FAM163A: variants seen among roughly 807,000 people sequenced by gnomAD.
The protein encoded by FAM163A is protein FAM163A.
Under a neutral mutation model 12.0 loss-of-function variants are expected in FAM163A, and 7 were observed. That is an observed-to-expected ratio of 0.58 (90% CI 0.33 to 1.10). The LOEUF (loss-of-function observed/expected upper bound fraction) is 1.10, where lower values mean the gene tolerates loss of function less well. FAM163A is among the 50% of genes least tolerant of loss of function. The pLI is 0.03. For synonymous variants in FAM163A, 101 were observed against 91.0 expected, an observed-to-expected ratio of 1.11 and a Z score of -0.62; for missense variants, 202 against 218.6, an observed-to-expected ratio of 0.92 and a Z score of 0.48.
At chr1:179,786,008 T>C (rs944049987) in intron 1 of FAM163A, among the ~76,000 whole-genome samples, 1 of 152,198 alleles carries the variant, frequency 6.6e-6, no homozygotes, top group Non-Finnish European at 1.5e-5. Flanking sequence ...GCCCTTGATC[T>C]TTAAGACTGG....
chr1:179,747,214 T>A (rs1252071443), intron 1 of FAM163A, among the ~76,000 whole-genome samples: 4 of 151,756 alleles, frequency 2.6e-5, no homozygotes, highest in African/African-American at 9.7e-5. Context: ...TAGGGCTGTA[T>A]TGCCCCAGAG....
chr1:179,788,536 T>A (rs1231454040), intron 1 of FAM163A, among the ~76,000 whole-genome samples: 1 of 152,210 alleles, frequency 6.6e-6, no homozygotes, highest in African/African-American at 2.4e-5. Context: ...AAACTCAATG[T>A]GAAGTGGAGC....
rs1454842040 is a variant in FAM163A at position 179,814,239 on chromosome 1, G to T, written c.*50G>T. The T allele has an allele frequency of 3.3e-6, 5 of 1,534,552 alleles. No homozygotes were observed. The South Asian group carries it at 3.8e-5, about 12-fold the overall frequency. ...ACACCCACACTGCTGCCCTGGCGGG[G>T]GCCATGGGGGTGATGAATGACCCTC... On this transcript the variant is annotated 3_prime_UTR_variant, in exon 5 of 5. Transcript: ENST00000341785.
rs1007124549 is a variant in FAM163A at position 179,807,856 on chromosome 1, G to A, written c.-77G>A. On this transcript the variant is annotated 5_prime_UTR_variant, in exon 2 of 5. In the 5' UTR this introduces an upstream ATG that the reference lacks. Coordinates refer to ENST00000341785, the MANE Select transcript of FAM163A (RefSeq NM_173509.3). ...TGCTGTCTGCTCAGGTGTAGCCCGCGTGACTGAGTCACCGCTGCTCCAGCT... is the reference window on the plus strand; with the variant it reads ...TGCTGTCTGCTCAGGTGTAGCCCGCATGACTGAGTCACCGCTGCTCCAGCT... The A allele has an allele frequency of 1.4e-4, 21 of 152,438 alleles. No individual in the cohort carries two copies. The highest frequency in any genetic ancestry group is 4.6e-4 in the African/African-American group (19 of 41,586). The allele number at this position is 152,438 out of a possible 1,614,324, so 9.4% of individuals were successfully genotyped here. A position where few individuals can be genotyped will look rare whatever the true frequency, so the allele number is the denominator to read the frequency against.
the FAM163A span, among the ~76,000 whole-genome samples, chr1:179,730,689 G>A: frequency 6.6e-6 from 1 of 152,242 alleles, no homozygotes; most frequent in East Asian, 1.9e-4. Flanking sequence ...AGCTCTTAAA[G>A]CTCTTTTCTT....
chr1:179,784,497 G>A (rs371016686), intron 1 of FAM163A, among the ~76,000 whole-genome samples: 3 of 152,248 alleles, frequency 2.0e-5, no homozygotes, highest in Non-Finnish European at 1.5e-5. Flanking sequence ...CACAGTTAAC[G>A]CAGTGCCTGG....
intron 1 of FAM163A, among the ~76,000 whole-genome samples, chr1:179,754,400 C>G (rs1685716236): frequency 6.6e-6 from 1 of 152,066 alleles, no homozygotes; most frequent in African/African-American, 2.4e-5. Flanking sequence ...GGGACTGAGA[C>G]ACACAGATGA....
chr1:179,784,638 GA>G (rs1035527771), intron 1 of FAM163A, among the ~76,000 whole-genome samples: 4 of 152,148 alleles, frequency 2.6e-5, no homozygotes, highest in Non-Finnish European at 4.4e-5. Flanking sequence ...CTTATCTTGA[GA>G]AAGCACAAAA....
At chr1:179,812,528 G>A (rs777057883) in intron 3 of FAM163A, among the ~76,000 whole-genome samples, 5 of 152,208 alleles carry the variant, frequency 3.3e-5, no homozygotes, top group Admixed American at 6.5e-5. Context: ...CGGGCCAAAG[G>A]CTCAGGGACC....
At chr1:179,756,479 T>C (rs114618245) in intron 1 of FAM163A, among the ~76,000 whole-genome samples, 501 of 152,272 alleles carry the variant, frequency 3.3e-3, no homozygotes, top group Non-Finnish European at 6.0e-3. Context: ...GTGGTGCCAT[T>C]AATTAAACAG....
intron 1 of FAM163A, among the ~76,000 whole-genome samples, chr1:179,797,952 G>A (rs1179554765): frequency 6.6e-6 from 1 of 152,066 alleles, no homozygotes; most frequent in African/African-American, 2.4e-5. Context: ...AGGCATGGCC[G>A]GGCGCAGTGG....
At chr1:179,728,357 T>A in the FAM163A span, among the ~76,000 whole-genome samples, 1 of 151,948 alleles carries the variant, frequency 6.6e-6, no homozygotes, top group South Asian at 2.1e-4. Context: ...AATGGAAGGG[T>A]TTTGTGTTTT....
At chr1:179,731,264 G>T in the FAM163A span, among the ~76,000 whole-genome samples, 5 of 152,160 alleles carry the variant, frequency 3.3e-5, no homozygotes, top group Non-Finnish European at 7.3e-5. Context: ...AAGAGAGAAG[G>T]TATATAGATT....
chr1:179,737,432 A>G, the FAM163A span, among the ~76,000 whole-genome samples: 1 of 152,234 alleles, frequency 6.6e-6, no homozygotes, highest in Non-Finnish European at 1.5e-5. Flanking sequence ...GAGATCTGCC[A>G]TACAACATAA....
intron 1 of FAM163A, among the ~76,000 whole-genome samples, chr1:179,743,951 A>G (rs1168125023): frequency 6.6e-6 from 1 of 152,082 alleles, no homozygotes; most frequent in Non-Finnish European, 1.5e-5. Flanking sequence ...GTGGGGGCCG[A>G]CCGGCGGGGT....
At position 179,815,467 on chromosome 1, in the gene FAM163A, G is replaced by A. The variant is rs1306777458; in HGVS notation, c.*1278G>A. The A allele has an allele frequency of 1.3e-5, 2 of 152,228 alleles. No homozygotes were observed. The highest frequency in any genetic ancestry group is 4.8e-5 in the African/African-American group (2 of 41,426). The allele number at this position is 152,228 out of a possible 1,614,324, so 9.4% of individuals were successfully genotyped here. A position where few individuals can be genotyped will look rare whatever the true frequency, so the allele number is the denominator to read the frequency against. On this transcript the variant is annotated 3_prime_UTR_variant, in exon 5 of 5. Coordinates refer to ENST00000341785, the MANE Select transcript of FAM163A (RefSeq NM_173509.3). ...AGCAACAGCCCAGTCCTGAGGATGG[G>A]AGGGACGTGACTTAGCCTTGGGATT...
In FAM163A at chr1:179,777,866, A is replaced by G. The variant is rs142432556; in HGVS notation, c.-135-29932A>G. On this transcript the variant is annotated intron_variant, in intron 1 of 4. Transcript: ENST00000341785. ...TCACGTTGGTTGCTAAGAAGCTCAGAGTTAAATCTGCAGCTCACGTCCTGC... is the reference window on the plus strand; with the variant it reads ...TCACGTTGGTTGCTAAGAAGCTCAGGGTTAAATCTGCAGCTCACGTCCTGC... Among the ~76,000 whole-genome samples the G allele has an allele frequency of 8.1e-4, 123 of 152,298 alleles. 1 individual carries two copies. The highest frequency in any genetic ancestry group is 2.9e-3 in the African/African-American group (120 of 41,572).
chr1:179,773,884 G>A (rs183816004), intron 1 of FAM163A, among the ~76,000 whole-genome samples: 6 of 152,294 alleles, frequency 3.9e-5, no homozygotes, highest in Admixed American at 6.5e-5. Flanking sequence ...ACCGGTATTC[G>A]CAGGCATGTT....
At chr1:179,793,065 A>G (rs1691752409) in intron 1 of FAM163A, among the ~76,000 whole-genome samples, 1 of 152,140 alleles carries the variant, frequency 6.6e-6, no homozygotes, top group Non-Finnish European at 1.5e-5. Context: ...GAGATACAAA[A>G]TAAAATGAAT....
Sources: gnomAD v4.1 joint callset for allele counts (sites outside exome capture counted in the v4.1 genomes callset) on GRCh38, gnomAD v4.1.1 for gene constraint, MANE v1.5 for transcripts, NCBI Gene and HGNC (gene_info 2026-07-23, HGNC 2026-07-21) for gene names.